Variants in ENOX1 observed in about 807,000 individuals in gnomAD.
ENOX1 encodes the protein candidate growth-related and time keeping constitutive hydroquinone (NADH) oxidase.
Under a neutral mutation model 82.5 loss-of-function variants are expected in ENOX1, and 42 were observed. The ratio of observed to expected loss-of-function variants is 0.51; its 90% CI spans 0.40 to 0.66. The LOEUF (loss-of-function observed/expected upper bound fraction) is 0.66. Ranked by LOEUF, ENOX1 falls within the 30% of genes least tolerant of loss-of-function variation. The pLI, the probability that ENOX1 is intolerant of heterozygous loss-of-function variation, is 0.00. For synonymous variants in ENOX1, 271 were observed against 282.2 expected (o/e 0.96, Z 0.40); for missense variants, 608 against 811.6 (o/e 0.75, Z 3.05).
intron 2 of ENOX1, among the ~76,000 whole-genome samples, chr13:43,523,267 G>C (rs1337735022): frequency 1.3e-5 from 2 of 152,072 alleles, no homozygotes; most frequent in African/African-American, 4.8e-5. Flanking sequence ...AAATGGGGTT[G>C]GTTTTAAGTG....
chr13:43,534,771 G>C (rs368455354), intron 2 of ENOX1, among the ~76,000 whole-genome samples: 1 of 152,212 alleles, frequency 6.6e-6, no homozygotes, highest in South Asian at 2.1e-4. Flanking sequence ...AATGGGGCTG[G>C]GGGGTGTTGC....
chr13:43,337,849 C>T (rs1326834582), intron 9 of ENOX1, among the ~76,000 whole-genome samples: 5 of 152,314 alleles, frequency 3.3e-5, no homozygotes, highest in African/African-American at 1.2e-4. Context: ...CCTCTCACGT[C>T]TGCTCTCTGA....
intron 2 of ENOX1, among the ~76,000 whole-genome samples, chr13:43,503,523 A>T (rs1448879990): frequency 6.6e-6 from 1 of 151,732 alleles, no homozygotes; most frequent in African/African-American, 2.4e-5. Flanking sequence ...ATAACCTGGC[A>T]TAAAAACAGG....
intron 2 of ENOX1, among the ~76,000 whole-genome samples, chr13:43,630,933 T>TTGTG (rs139713177): frequency 2.5e-4 from 37 of 149,330 alleles, no homozygotes; most frequent in Middle Eastern, 3.5e-3. Flanking sequence ...GTGTGTGTGT[T>TTGTG]TGTGTGTGTG....
intron 4 of ENOX1, among the ~76,000 whole-genome samples, 153 bp downstream of exon 4, chr13:43,412,692 T>C (rs1272022303): frequency 1.3e-5 from 2 of 152,214 alleles, no homozygotes; most frequent in Non-Finnish European, 2.9e-5. Flanking sequence ...CAAATTTGAC[T>C]TAGTGCTCTT....
chr13:43,551,583 CT>C (rs1428859252), intron 2 of ENOX1, among the ~76,000 whole-genome samples: 4 of 152,126 alleles, frequency 2.6e-5, no homozygotes, highest in African/African-American at 7.2e-5. Context: ...TTAGTCAAAT[CT>C]GATAGTCATG....
chr13:43,405,859 C>A (rs1449411542), intron 5 of ENOX1, among the ~76,000 whole-genome samples: 1 of 152,194 alleles, frequency 6.6e-6, no homozygotes, highest in Non-Finnish European at 1.5e-5. Context: ...TCCTGCTACT[C>A]CCCTGCTTAA....
intron 9 of ENOX1, among the ~76,000 whole-genome samples, chr13:43,331,764 C>G (rs1159678155): frequency 6.6e-6 from 1 of 152,126 alleles, no homozygotes; most frequent in East Asian, 1.9e-4. Flanking sequence ...TCAGGATACC[C>G]AGAGGAGCAA....
At chr13:43,342,442 G>C (rs2049121863) in intron 9 of ENOX1, among the ~76,000 whole-genome samples, 1 of 152,156 alleles carries the variant, frequency 6.6e-6, no homozygotes, top group African/African-American at 2.4e-5. Context: ...AGAGGAGCAG[G>C]TTTGAAGATT....
At chr13:43,674,958 C>A (rs1361434395) in intron 1 of ENOX1, among the ~76,000 whole-genome samples, 7 of 152,240 alleles carry the variant, frequency 4.6e-5, no homozygotes, top group Middle Eastern at 3.4e-3. Context: ...AGCTGAAGAA[C>A]CGAAAGGCCC....
intron 5 of ENOX1, among the ~76,000 whole-genome samples, chr13:43,393,050 T>C (rs2052896383): frequency 6.6e-6 from 1 of 152,318 alleles, no homozygotes; most frequent in Admixed American, 6.5e-5. Flanking sequence ...TGGGCATTTC[T>C]GATATTTTAC....
chr13:43,638,249 C>G (rs574798658), intron 2 of ENOX1, among the ~76,000 whole-genome samples: 1 of 152,122 alleles, frequency 6.6e-6, no homozygotes, highest in Middle Eastern at 3.2e-3. Context: ...CAAGCTATTT[C>G]CCATGAGATT....
intron 1 of ENOX1, among the ~76,000 whole-genome samples, chr13:43,698,062 T>A (rs963867827): frequency 2.0e-5 from 3 of 152,130 alleles, no homozygotes; most frequent in Admixed American, 6.5e-5. Flanking sequence ...ACACTCTGTA[T>A]ATCAGCAGAG....
intron 1 of ENOX1, among the ~76,000 whole-genome samples, chr13:43,757,175 G>A (rs1464196241): frequency 1.3e-5 from 2 of 152,114 alleles, no homozygotes; most frequent in South Asian, 2.1e-4. Context: ...CTGATATGGT[G>A]GATTAATTGC....
chr13:43,633,977 A>T (rs1382553421), intron 2 of ENOX1, among the ~76,000 whole-genome samples: 1 of 151,998 alleles, frequency 6.6e-6, no homozygotes, highest in African/African-American at 2.4e-5. Context: ...TTTAAATTTA[A>T]AAACTTAAAA....
At chr13:43,739,651 A>G (rs1221528032) in intron 1 of ENOX1, among the ~76,000 whole-genome samples, 1 of 151,906 alleles carries the variant, frequency 6.6e-6, no homozygotes, top group Non-Finnish European at 1.5e-5. Context: ...GAGAAAAATA[A>G]CATAAGAAAA....
At chr13:43,769,628 A>T (rs1011093919) in intron 1 of ENOX1, among the ~76,000 whole-genome samples, 1 of 152,216 alleles carries the variant, frequency 6.6e-6, no homozygotes, top group Admixed American at 6.5e-5. Context: ...GTGGCCACTC[A>T]GGGGCTCCCA....
chr13:43,766,701 T>C (rs1951293953), intron 1 of ENOX1, among the ~76,000 whole-genome samples: 1 of 152,172 alleles, frequency 6.6e-6, no homozygotes, highest in South Asian at 2.1e-4. Flanking sequence ...AAGAGTAAAA[T>C]AGACTTGGTT....
intron 3 of ENOX1, among the ~76,000 whole-genome samples, chr13:43,450,011 A>G (rs1053030955): frequency 7.2e-5 from 11 of 152,230 alleles, no homozygotes; most frequent in African/African-American, 2.7e-4. Flanking sequence ...TGGTTCCATT[A>G]CCTCGGAGGC....
Sources: gnomAD v4.1 joint callset for allele counts (sites outside exome capture counted in the v4.1 genomes callset) on GRCh38, gnomAD v4.1.1 for gene constraint, MANE v1.5 for transcripts, NCBI Gene and HGNC (gene_info 2026-07-23, HGNC 2026-07-21) for gene names.